Variants in ACAP3 observed in about 807,000 individuals in gnomAD.
The protein encoded by ACAP3 is ArfGAP with coiled-coil, ankyrin repeat and PH domains 3.
ACAP3 carries 56 observed loss-of-function variants against 104.1 expected under a neutral mutation model. The observed-to-expected ratio is 0.54, with a 90% CI of 0.43 to 0.67. The LOEUF is 0.67. ACAP3 is among the 30% of genes least tolerant of loss of function. The pLI is 0.00. For synonymous variants in ACAP3, 628 were observed against 496.2 expected (o/e 1.27, Z -3.53); for missense variants, 1,208 against 1,174.9 (o/e 1.03, Z -0.41).
intron 1 of ACAP3, chr1:1,307,125 C>G: frequency 8.1e-7 from 1 of 1,235,410 alleles, no homozygotes; most frequent in Non-Finnish European, 1.1e-6. Flanking sequence ...AAATGTCCAC[C>G]AAGCAAAGCC....
At chr1:1,296,186 T>TG (rs1235382044) in intron 16 of ACAP3, 25 bp downstream of exon 16, 5 of 1,593,428 alleles carry the variant, frequency 3.1e-6, no homozygotes, top group Non-Finnish European at 4.3e-6. Flanking sequence ...CGGGGTCCCG[T>TG]GGCCTCCAGG....
At chr1:1,295,123 G>A (rs1641063113) in intron 19 of ACAP3, 4 of 553,676 alleles carry the variant, frequency 7.2e-6, no homozygotes, top group Non-Finnish European at 1.3e-5. Flanking sequence ...GGCTGGCCCA[G>A]GCTGAAATGT....
In ACAP3 at chr1:1,293,810, C is replaced by A. The variant is rs1335253314; in HGVS notation, c.2360+13G>T. ...GAGGCCCCGCCCAGCCCCGAGGGCC[C>A]GGCCGCGCTCACAGTGTCACGATGT... is the stretch of plus-strand genomic sequence containing the variant. On this transcript the variant is annotated intron_variant, in intron 23 of 23. Transcript: ENST00000354700. 6.4e-7 allele frequency: 1 copy of A among 1,571,806 alleles called. No individual in the cohort carries two copies. The highest frequency in any genetic ancestry group is 1.7e-5 in the Admixed American group (1 of 58,034).
At chr1:1,297,760 G>A in intron 14 of ACAP3, 62 bp downstream of exon 14, 1 of 1,532,228 alleles carries the variant, frequency 6.5e-7, no homozygotes, top group Non-Finnish European at 9.0e-7. Flanking sequence ...CGCGGGGCAG[G>A]GGCCATCCCC....
rs570241461 is a variant in ACAP3, at chr1:1,296,491, G to A, written c.1271C>T (p.Pro424Leu). ...GTTGATGCTGGCCCAGCGGGGGTCC[G>A]GCTGGCCGCAGTCGCCGCACTGGCT... is the stretch of plus-strand genomic sequence containing the variant. Reference protein sequence around the residue: ...GNSQCGDCGQPDPRWASINLG... With the variant: ...GNSQCGDCGQLDPRWASINLG... Residue 424 changes from proline (P) to leucine (L), a missense_variant, in exon 15 of 24, where the codon CCG (proline) becomes CTG (leucine). By Grantham distance (98) the Pro-to-Leu change is moderately conservative. Coordinates refer to ENST00000354700, the MANE Select transcript of ACAP3 (RefSeq NM_030649.3). 1.6e-5 allele frequency: 25 copies of A among 1,543,492 alleles called. No homozygotes were observed. Among genetic ancestry groups the A allele is most frequent in the African/African-American group, 1.4e-4 (10 of 73,170 alleles).
rs977958674 is a variant in ACAP3, at chr1:1,296,397, AC to A, written c.1337+27del. ...CTGTGGATGCTCCAGCCCAACCCCCACCCCCAGCCTGGCCCTCAGGGGCCCA... is the reference window on the plus strand; with the variant it reads ...CTGTGGATGCTCCAGCCCAACCCCCACCCCAGCCTGGCCCTCAGGGGCCCA... On this transcript the variant is annotated intron_variant, in intron 15 of 23. Coordinates refer to ENST00000354700, the MANE Select transcript of ACAP3 (RefSeq NM_030649.3). The A allele has an allele frequency of 3.3e-6, 5 of 1,524,834 alleles. No homozygotes were observed. In the Admixed American group the frequency reaches 8.0e-5, roughly 24 times the overall value. The allele number at this position is 1,524,834 out of a possible 1,614,324, so 94.5% of individuals were successfully genotyped here.
intron 12 of ACAP3, 28 bp downstream of exon 12, chr1:1,298,342 G>A (rs947150624): frequency 1.1e-5 from 17 of 1,606,240 alleles, no homozygotes; most frequent in East Asian, 4.5e-5. Flanking sequence ...CCAGCCATCA[G>A]GGCCCCAGCC....
chr1:1,306,056 C>T (rs1471434566), intron 1 of ACAP3: 2 of 152,364 alleles, frequency 1.3e-5, no homozygotes, highest in Non-Finnish European at 2.9e-5. Context: ...AGTTAAATCA[C>T]AGCCTAACCC....
chr1:1,303,974 A>G lies in ACAP3; in HGVS notation c.105+112T>C, dbSNP rs2100479117. 1 of 1,293,560 alleles carries G rather than the reference A, an allele frequency of 7.7e-7. No homozygotes were observed. The highest frequency in any genetic ancestry group is 1.3e-5 in the South Asian group (1 of 76,118). 80.1% of individuals were successfully genotyped at this position (1,293,560 alleles called of 1,614,324 possible). ...GACCAGGACCTGGAGCACCACACGC[A>G]TGCTCCACATATGGGGGGTGTAAGT... On this transcript the variant is annotated intron_variant, in intron 2 of 23. Transcript: ENST00000354700. The surrounding 1 kb of genome is among the most constrained non-coding windows in gnomAD (Gnocchi z 4.0).
At chr1:1,293,734 C>CCCCTGCCCTGGAGGCCCCGT (rs1640953274) in intron 23 of ACAP3, 26 bp from the exon 24 acceptor site, 7 of 1,386,674 alleles carry the variant, frequency 5.0e-6, no homozygotes, top group Middle Eastern at 2.3e-4. Context: ...GCGTGAGACG[C>CCCCTGCCCTGGAGGCCCCGT]CCCTGCCCTG....
Position 1,296,497 on chromosome 1 carries a change from C to T in ACAP3, c.1265G>A (p.Gly422Asp). The change falls in exon 15 of 24, where the codon GGC (glycine) becomes GAC (aspartate). Residue 422 changes from glycine to aspartate, a missense_variant. Gly to Asp is a moderately conservative substitution (Grantham distance 94, BLOSUM62 -1). Transcript: ENST00000354700. ...VAGNSQCGDC[G>D]QPDPRWASIN... Reference sequence around the variant, plus strand: ...GCTGGCCCAGCGGGGGTCCGGCTGGCCGCAGTCGCCGCACTGGCTGTTGCC... The same window carrying T: ...GCTGGCCCAGCGGGGGTCCGGCTGGTCGCAGTCGCCGCACTGGCTGTTGCC... 2 of 1,542,106 alleles carry T rather than the reference C, an allele frequency of 1.3e-6. No individual in the cohort carries two copies. Among genetic ancestry groups the T allele is most frequent in the East Asian group, 2.4e-5 (1 of 40,918 alleles).
Position 1,294,101 on chromosome 1 carries a change from C to G in ACAP3, c.2238G>C (p.Leu746=). ...GRAPLHHATL[L]GRTGQVCLFL... Reference sequence around the variant, plus strand: ...GTTGCGCGTCTCACCCGGTGCGGCCCAGCAGCGTGGCGTGGTGCAGGGGCG... The same window carrying G: ...GTTGCGCGTCTCACCCGGTGCGGCCGAGCAGCGTGGCGTGGTGCAGGGGCG... The change falls in exon 22 of 24, where the codon CTG becomes CTC. Residue 746 remains leucine, a synonymous_variant. Coordinates refer to ENST00000354700, the MANE Select transcript of ACAP3 (RefSeq NM_030649.3). The G allele has an allele frequency of 1.3e-6, 2 of 1,577,942 alleles. No homozygotes were observed. The highest frequency in any genetic ancestry group is 1.7e-6 in the Non-Finnish European group (2 of 1,161,736).
Position 1,301,977 on chromosome 1 carries a change from G to C in ACAP3, c.338+11C>G. The C allele has an allele frequency of 6.4e-7, 1 of 1,560,762 alleles. No homozygotes were observed. Among genetic ancestry groups the C allele is most frequent in the Non-Finnish European group, 8.7e-7 (1 of 1,151,238 alleles). On this transcript the variant is annotated intron_variant, in intron 5 of 23. Coordinates refer to ENST00000354700, the MANE Select transcript of ACAP3 (RefSeq NM_030649.3). ...CTCAGTGTTCTTCCCCCAGCCCTGGGGGCCACTCACTCTTTGACAAAGCTC... is the reference window on the plus strand; with the variant it reads ...CTCAGTGTTCTTCCCCCAGCCCTGGCGGCCACTCACTCTTTGACAAAGCTC...
At chr1:1,302,837 A>G in intron 4 of ACAP3, 85 bp downstream of exon 4, 1 of 721,502 alleles carries the variant, frequency 1.4e-6, no homozygotes. Flanking sequence ...TGCCCCCCCC[A>G]ACCCGACGCC....
At chr1:1,295,653 G>C in intron 18 of ACAP3, 83 bp downstream of exon 18, 1 of 1,551,928 alleles carries the variant, frequency 6.4e-7, no homozygotes, top group African/African-American at 1.4e-5. Flanking sequence ...GGTGCCCCCA[G>C]AGCCCTGCCA....
chr1:1,302,539 C>T (rs999786662), intron 4 of ACAP3, among the ~76,000 whole-genome samples: 17 of 152,188 alleles, frequency 1.1e-4, no homozygotes, highest in South Asian at 2.1e-4. Flanking sequence ...GTTCAGTCTG[C>T]GGCTCAGGTT....
rs1641301470 is a variant in ACAP3 at position 1,298,532 on chromosome 1, AAGGACCCCGCCCCCACCTG to A, written c.863+16_863+34del. 1 of 626,724 alleles carries A rather than the reference AAGGACCCCGCCCCCACCTG, an allele frequency of 1.6e-6. No individual in the cohort carries two copies. The highest frequency in any genetic ancestry group is 3.9e-5 in the African/African-American group (1 of 25,918). The allele number at this position is 626,724 out of a possible 1,614,324, so 38.8% of individuals were successfully genotyped here. A position where few individuals can be genotyped will look rare whatever the true frequency, so the allele number is the denominator to read the frequency against. ...CCGCCTGAGGACCCCACCCCCGCCT[AAGGACCCCGCCCCCACCTG>A]AGGAAGGCCTCTCACCGGTTCCATG... is the stretch of plus-strand genomic sequence containing the variant. On this transcript the variant is annotated intron_variant, in intron 11 of 23. Coordinates refer to ENST00000354700, the MANE Select transcript of ACAP3 (RefSeq NM_030649.3).
chr1:1,304,016 G>C (rs953636482), intron 2 of ACAP3, 70 bp downstream of exon 2: 2 of 1,539,582 alleles, frequency 1.3e-6, no homozygotes, highest in Non-Finnish European at 1.8e-6. Context: ...GTAAGGCCTG[G>C]AGGGCGAGTC....
intron 9 of ACAP3, 29 bp from the exon 10 acceptor site, chr1:1,299,385 G>T: frequency 5.9e-6 from 9 of 1,531,496 alleles, no homozygotes; most frequent in Non-Finnish European, 7.9e-6. Flanking sequence ...AGGGGGTAGG[G>T]GGAGAAAGCC....
Sources: allele counts gnomAD v4.1 joint callset (sites outside exome capture counted in the v4.1 genomes callset), GRCh38; gene constraint gnomAD v4.1.1; non-coding constraint Gnocchi (gnomAD v3.1); transcripts MANE v1.5; gene names NCBI Gene and HGNC (gene_info 2026-07-23, HGNC 2026-07-21).